Variants in ARK2C observed in about 807,000 individuals in gnomAD.
The protein encoded by ARK2C is arkadia (RNF111) C-terminal like ring finger ubiquitin ligase 2C, also known as E3 ubiquitin-protein ligase ARK2C.
the ARK2C span, among the ~76,000 whole-genome samples, chr18:46,419,519 T>C: frequency 6.6e-6 from 1 of 152,202 alleles, no homozygotes; most frequent in African/African-American, 2.4e-5. Flanking sequence ...GACTCTCCTC[T>C]AGGGGAGCAG....
At chr18:46,370,021 A>G in the ARK2C span, among the ~76,000 whole-genome samples, 1 of 152,162 alleles carries the variant, frequency 6.6e-6, no homozygotes, top group East Asian at 1.9e-4. Context: ...TGGGGGCCAT[A>G]ACAGCTTCTT....
chr18:46,461,668 G>C, the ARK2C span: 1 of 137,544 alleles, frequency 7.3e-6, no homozygotes, highest in Non-Finnish European at 1.6e-5. Context: ...AAAAAAAAAA[G>C]AGGGAAAGAG....
the ARK2C span, among the ~76,000 whole-genome samples, chr18:46,364,518 T>C: frequency 0.011 from 1,675 of 152,154 alleles, 37 homozygotes; most frequent in African/African-American, 0.037. Flanking sequence ...ACAAGGTGAC[T>C]ACCAGACATA....
the ARK2C span, among the ~76,000 whole-genome samples, chr18:46,442,073 G>A: frequency 6.7e-6 from 1 of 149,808 alleles, no homozygotes; most frequent in Non-Finnish European, 1.5e-5. Flanking sequence ...TGAGGCAGGA[G>A]AATGGCGTGA....
chr18:46,339,684 A>T, the ARK2C span, among the ~76,000 whole-genome samples: 1 of 152,190 alleles, frequency 6.6e-6, no homozygotes, highest in Non-Finnish European at 1.5e-5. Flanking sequence ...TGAACAAGAG[A>T]ACTTCTCTCT....
At chr18:46,418,739 T>C in the ARK2C span, among the ~76,000 whole-genome samples, 1 of 152,192 alleles carries the variant, frequency 6.6e-6, no homozygotes, top group Non-Finnish European at 1.5e-5. Context: ...TGTGGAAAGA[T>C]AGTTACAGAC....
the ARK2C span, among the ~76,000 whole-genome samples, chr18:46,440,715 A>ATGTT: frequency 0.071 from 10,741 of 152,282 alleles, 425 homozygotes; most frequent in African/African-American, 0.085. Flanking sequence ...CTTTGTATCA[A>ATGTT]TCAAGATCCG....
the ARK2C span, among the ~76,000 whole-genome samples, chr18:46,350,724 G>A: frequency 7.2e-5 from 11 of 152,138 alleles, no homozygotes; most frequent in Non-Finnish European, 1.2e-4. Context: ...GTCACACTGG[G>A]GGAATGAAAG....
At chr18:46,461,766 G>A in the ARK2C span, 1 of 152,168 alleles carries the variant, frequency 6.6e-6, no homozygotes, top group Non-Finnish European at 1.5e-5. Context: ...GCTCAGAGTT[G>A]ACTTTCGGGA....
chr18:46,351,049 C>A, the ARK2C span, among the ~76,000 whole-genome samples: 2 of 152,186 alleles, frequency 1.3e-5, no homozygotes, highest in African/African-American at 4.8e-5. Context: ...AGCGGGCAGA[C>A]CCCAGAGCTC....
chr18:46,453,769 G>A, the ARK2C span, among the ~76,000 whole-genome samples: 1 of 151,774 alleles, frequency 6.6e-6, no homozygotes, highest in Non-Finnish European at 1.5e-5. Flanking sequence ...AGAAAAATAT[G>A]CAAAGAATAA....
the ARK2C span, among the ~76,000 whole-genome samples, chr18:46,359,922 TC>T: frequency 6.6e-6 from 1 of 152,188 alleles, no homozygotes; most frequent in East Asian, 1.9e-4. Context: ...CAGATTTTAG[TC>T]ACAGGATCAC....
chr18:46,352,744 C>T, the ARK2C span, among the ~76,000 whole-genome samples: 9 of 152,278 alleles, frequency 5.9e-5, no homozygotes, highest in African/African-American at 1.9e-4. Context: ...AACTGGGTCA[C>T]GTAACCACCC....
chr18:46,392,980 G>A, the ARK2C span, among the ~76,000 whole-genome samples: 4 of 152,032 alleles, frequency 2.6e-5, no homozygotes, highest in Non-Finnish European at 4.4e-5. Flanking sequence ...AAGGGAAATC[G>A]GCAACCATAA....
the ARK2C span, among the ~76,000 whole-genome samples, chr18:46,409,368 A>G: frequency 6.6e-6 from 1 of 152,226 alleles, no homozygotes; most frequent in African/African-American, 2.4e-5. Flanking sequence ...GAATGAGCTC[A>G]AGGGATCCTT....
At chr18:46,378,973 C>A in the ARK2C span, among the ~76,000 whole-genome samples, 1 of 152,204 alleles carries the variant, frequency 6.6e-6, no homozygotes, top group South Asian at 2.1e-4. Context: ...ATGAAGGGAC[C>A]TCACTGTCCC....
the ARK2C span, among the ~76,000 whole-genome samples, chr18:46,397,781 A>G: frequency 0.014 from 274 of 19,084 alleles, no homozygotes; most frequent in Middle Eastern, 0.033. Context: ...TGTGTGTGTG[A>G]TCATGCTGAG....
chr18:46,412,365 A>G, the ARK2C span, among the ~76,000 whole-genome samples: 1 of 152,214 alleles, frequency 6.6e-6, no homozygotes, highest in Non-Finnish European at 1.5e-5. Context: ...GAGGGTTACC[A>G]CTAAGCCTGC....
chr18:46,341,831 T>A, the ARK2C span, among the ~76,000 whole-genome samples: 1 of 152,194 alleles, frequency 6.6e-6, no homozygotes, highest in South Asian at 2.1e-4. Context: ...AAATCTGAGT[T>A]GGAACAAGTT....
Sources: gnomAD v4.1 joint callset for allele counts (sites outside exome capture counted in the v4.1 genomes callset) on GRCh38, gnomAD v4.1.1 for gene constraint, MANE v1.5 for transcripts, NCBI Gene and HGNC (gene_info 2026-07-23, HGNC 2026-07-21) for gene names.